ROBO1: variants seen among roughly 807,000 people sequenced by gnomAD.
ROBO1 encodes roundabout homolog 1.
Under a neutral mutation model 195.9 loss-of-function variants are expected in ROBO1, and 149 were observed. The ratio of observed to expected loss-of-function variants is 0.76; its 90% confidence interval spans 0.67 to 0.87. ROBO1 has a LOEUF of 0.87. Ranked by LOEUF, ROBO1 falls within the 40% of genes least tolerant of loss-of-function variation. ROBO1 has a pLI of 0.00. For missense variants in ROBO1, 1,933 were observed against 2,068.3 expected (o/e 0.93, Z 1.27); for synonymous variants, 816 against 733.2 (o/e 1.11, Z -1.82).
chr3:79,371,911 C>G (rs1314338864), intron 2 of ROBO1, among the ~76,000 whole-genome samples: 1 of 152,130 alleles, frequency 6.6e-6, no homozygotes. Flanking sequence ...ATTTTTCCAC[C>G]AACTTGTGGG....
chr3:78,613,401 G>A (rs1329123043), intron 28 of ROBO1, among the ~76,000 whole-genome samples: 1 of 152,144 alleles, frequency 6.6e-6, no homozygotes, highest in Non-Finnish European at 1.5e-5. Context: ...TGGTAGAGTT[G>A]GGGGATTTAT....
intron 2 of ROBO1, among the ~76,000 whole-genome samples, chr3:79,295,385 T>C (rs973680148): frequency 5.3e-5 from 8 of 151,890 alleles, no homozygotes; most frequent in African/African-American, 1.9e-4. Context: ...CACTCATAAG[T>C]GGGAGTTGAA....
chr3:79,746,605 G>A (rs545891198), intron 1 of ROBO1, among the ~76,000 whole-genome samples: 1 of 151,946 alleles, frequency 6.6e-6, no homozygotes, highest in Non-Finnish European at 1.5e-5. Context: ...TCCATTTCAG[G>A]GCCTCTGGTT....
chr3:79,700,181 T>C lies in ROBO1; in HGVS notation c.-51+67571A>G, dbSNP rs1947572361. Among the ~76,000 whole-genome samples, 6 of 152,000 alleles carry C rather than the reference T, an allele frequency of 3.9e-5. 1 individual carries two copies. In the South Asian group the frequency reaches 1.2e-3, roughly 31 times the overall value. Reference sequence around the variant, plus strand: ...AGACATGATTTTGGTTTTTTATGGCTGCATAGTATTCCATAGTGTATTACA... The same window carrying C: ...AGACATGATTTTGGTTTTTTATGGCCGCATAGTATTCCATAGTGTATTACA... On this transcript the variant is annotated intron_variant, in intron 1 of 30. Transcript: ENST00000464233.
intron 2 of ROBO1, among the ~76,000 whole-genome samples, chr3:79,210,217 T>C (rs562233933): frequency 3.9e-5 from 6 of 152,180 alleles, no homozygotes; most frequent in African/African-American, 1.4e-4. Flanking sequence ...GCCAAAGCAA[T>C]ACTAAGCAAA....
At chr3:78,692,163 G>A (rs985475673) in intron 8 of ROBO1, among the ~76,000 whole-genome samples, 2 of 151,514 alleles carry the variant, frequency 1.3e-5, no homozygotes, top group African/African-American at 2.4e-5. Context: ...TATCATATAG[G>A]AACCTATTTT....
intron 2 of ROBO1, among the ~76,000 whole-genome samples, chr3:79,470,473 TG>T (rs1938211126): frequency 6.6e-6 from 1 of 152,146 alleles, no homozygotes; most frequent in African/African-American, 2.4e-5. Flanking sequence ...GACGAGTTAA[TG>T]GGTGCAGTAC....
rs1306575147 is a variant in ROBO1 at position 78,750,499 on chromosome 3, A to AAAT, written c.500-3600_500-3599insATT. 4.5e-4 allele frequency among the ~76,000 whole-genome samples: 59 copies of AAAT among 132,460 alleles called. 2 individuals are homozygous for AAAT. The highest frequency in any genetic ancestry group is 3.0e-3 in the East Asian group (13 of 4,300). 86.9% of individuals were successfully genotyped at this position (132,460 alleles called of 152,430 possible). On this transcript the variant is annotated intron_variant, in intron 4 of 30. Coordinates refer to ENST00000464233, the MANE Select transcript of ROBO1 (RefSeq NM_002941.4). The stretch of plus-strand genomic sequence containing the variant: ...TAAATAAATAAATAAATAAATAAAT[A>AAAT]AAATAAAATAAAAAAGTTCACTAAT...
intron 4 of ROBO1, among the ~76,000 whole-genome samples, chr3:78,804,411 C>A (rs115261119): frequency 6.6e-6 from 1 of 152,050 alleles, no homozygotes; most frequent in Non-Finnish European, 1.5e-5. Context: ...CTTTGTTCCA[C>A]TAAAACATCT....
chr3:79,405,716 A>C lies in ROBO1; in HGVS notation c.88+184108T>G, dbSNP rs2037519755. On this transcript the variant is annotated intron_variant, in intron 2 of 30. Transcript: ENST00000464233. Reference sequence around the variant, plus strand: ...TTTGTAACTTTATATTGTGGATCAAACACATATACTATTTTAACTTAGTGG... The same window carrying C: ...TTTGTAACTTTATATTGTGGATCAACCACATATACTATTTTAACTTAGTGG... Among the ~76,000 whole-genome samples the C allele has an allele frequency of 2.0e-5, 3 of 152,208 alleles. No homozygotes were observed. In the South Asian group the frequency reaches 6.2e-4, roughly 31 times the overall value.
intron 4 of ROBO1, among the ~76,000 whole-genome samples, chr3:78,799,156 G>C (rs1405448555): frequency 6.6e-6 from 1 of 152,062 alleles, no homozygotes; most frequent in Non-Finnish European, 1.5e-5. Flanking sequence ...TTGTAGGTGG[G>C]AGAAACATAA....
At chr3:79,203,094 G>C (rs144929638) in intron 2 of ROBO1, among the ~76,000 whole-genome samples, 56 of 152,230 alleles carry the variant, frequency 3.7e-4, no homozygotes, top group African/African-American at 1.3e-3. Flanking sequence ...TGAAAATTTG[G>C]ATAAAATATC....
chr3:79,147,799 C>T (rs1288853405), intron 2 of ROBO1, among the ~76,000 whole-genome samples: 1 of 151,884 alleles, frequency 6.6e-6, no homozygotes, highest in Non-Finnish European at 1.5e-5. Context: ...GTTATTGATG[C>T]ACTTAAATTT....
intron 4 of ROBO1, among the ~76,000 whole-genome samples, chr3:78,765,173 T>C (rs2083198674): frequency 6.6e-6 from 1 of 152,150 alleles, no homozygotes; most frequent in African/African-American, 2.4e-5. Context: ...TCGAAGTTTC[T>C]ATATGCAGAT....
chr3:78,694,632 T>C (rs1310946099), intron 8 of ROBO1, among the ~76,000 whole-genome samples: 3 of 152,316 alleles, frequency 2.0e-5, no homozygotes, highest in Admixed American at 2.0e-4. Flanking sequence ...ATGTTTATTA[T>C]AGCATCACCA....
In ROBO1 at chr3:79,580,886, G is replaced by C. The variant is rs569901017; in HGVS notation, c.88+8938C>G. 2.6e-5 allele frequency among the ~76,000 whole-genome samples: 4 copies of C among 152,158 alleles called. No individual in the cohort carries two copies. The South Asian group carries it at 8.3e-4, about 32-fold the overall frequency. Reference sequence around the variant, plus strand: ...TTTATATACATTTCTCATTTTAATAGTCAAGAATACTCATTTTATTTATGA... The same window carrying C: ...TTTATATACATTTCTCATTTTAATACTCAAGAATACTCATTTTATTTATGA... On this transcript the variant is annotated intron_variant, in intron 2 of 30. Transcript: ENST00000464233.
chr3:79,337,119 T>C (rs2034704758), intron 2 of ROBO1, among the ~76,000 whole-genome samples: 1 of 152,182 alleles, frequency 6.6e-6, no homozygotes, highest in East Asian at 1.9e-4. Flanking sequence ...GGCTCATAAG[T>C]GGAAGGGACT....
At chr3:78,957,248 C>T (rs1003344933) in intron 3 of ROBO1, among the ~76,000 whole-genome samples, 1 of 149,866 alleles carries the variant, frequency 6.7e-6, no homozygotes, top group Non-Finnish European at 1.5e-5. Flanking sequence ...AATATATGTA[C>T]TAAATGTCCA....
At chr3:79,032,998 T>C (rs903472562) in intron 3 of ROBO1, among the ~76,000 whole-genome samples, 12 of 152,006 alleles carry the variant, frequency 7.9e-5, no homozygotes, top group African/African-American at 2.9e-4. Context: ...CAGCTCAAAA[T>C]AATAAAACAA....
Sources: allele counts gnomAD v4.1 joint callset (sites outside exome capture counted in the v4.1 genomes callset), GRCh38; gene constraint gnomAD v4.1.1; transcripts MANE v1.5; gene names NCBI Gene and HGNC (gene_info 2026-07-23, HGNC 2026-07-21).